Variants in NEURL1B observed in about 807,000 individuals in gnomAD.
NEURL1B encodes E3 ubiquitin-protein ligase NEURL1B.
NEURL1B carries 13 observed loss-of-function variants against 37.4 expected under a neutral mutation model. The observed-to-expected ratio is 0.35, with a 90% CI of 0.23 to 0.55. The LOEUF (loss-of-function observed/expected upper bound fraction) is 0.55. Among genes scored for constraint, NEURL1B ranks in the 20% least tolerant of loss-of-function variants. The pLI is 0.89. For missense variants in NEURL1B, 790 were observed against 879.2 expected (o/e 0.90, Z 1.28); for synonymous variants, 432 against 426.6 (o/e 1.01, Z -0.16).
At chr5:172,673,994 A>G (rs77248128) in intron 2 of NEURL1B, among the ~76,000 whole-genome samples, 30,582 of 151,390 alleles carry the variant, frequency 0.2, 4,165 homozygotes, top group African/African-American at 0.4. Context: ...CAAAAAATTA[A>G]CCAGCCACGG....
intron 1 of NEURL1B, among the ~76,000 whole-genome samples, chr5:172,654,579 T>A (rs1412237347): frequency 6.6e-6 from 1 of 151,834 alleles, no homozygotes; most frequent in African/African-American, 2.4e-5. Flanking sequence ...CTATTTTTTT[T>A]TTTTTTTTTT....
At position 172,656,431 on chromosome 5, in the gene NEURL1B, C is replaced by T. The variant is rs1415215691; in HGVS notation, c.32-13354C>T. On this transcript the variant is annotated intron_variant, in intron 1 of 4. Coordinates refer to ENST00000369800, the MANE Select transcript of NEURL1B (RefSeq NM_001142651.3). The stretch of plus-strand genomic sequence containing the variant: ...AAGACAACACTTAATTCCAGCTATA[C>T]GTGGCAAAAGATGTTATGGCAGGGA... 45 of 965,014 alleles carry T rather than the reference C, an allele frequency of 4.7e-5. No individual in the cohort carries two copies. In the East Asian group the frequency reaches 4.9e-4, roughly 10 times the overall value. The allele number at this position is 965,014 out of a possible 1,614,324, so 59.8% of individuals were successfully genotyped here. A position where few individuals can be genotyped will look rare whatever the true frequency, so the allele number is the denominator to read the frequency against.
At chr5:172,685,696 C>G (rs945099997) in intron 3 of NEURL1B, among the ~76,000 whole-genome samples, 1 of 152,250 alleles carries the variant, frequency 6.6e-6, no homozygotes, top group Non-Finnish European at 1.5e-5. Flanking sequence ...CTCTGCTTGC[C>G]TCTGTGTTGG....
At chr5:172,659,858 T>G (rs1185256088) in intron 1 of NEURL1B, among the ~76,000 whole-genome samples, 1 of 152,196 alleles carries the variant, frequency 6.6e-6, no homozygotes, top group Non-Finnish European at 1.5e-5. Flanking sequence ...CCCCATCCTT[T>G]GTCATCCTCC....
At position 172,676,598 on chromosome 5, in the gene NEURL1B, G is replaced by C. The variant is rs920183964; in HGVS notation, c.577+6268G>C. On this transcript the variant is annotated intron_variant, in intron 2 of 4. Transcript: ENST00000369800. The surrounding 1 kb of genome is among the most constrained non-coding windows in gnomAD (Gnocchi z 4.5). ...GCAGTTCCCTCCAAAGAAAAGCTGGGTGCTGTTACCAGGAGAAGGGGAGTG... is the reference window on the plus strand; with the variant it reads ...GCAGTTCCCTCCAAAGAAAAGCTGGCTGCTGTTACCAGGAGAAGGGGAGTG... Among the ~76,000 whole-genome samples, 1 of 152,222 alleles carries C rather than the reference G, an allele frequency of 6.6e-6. No homozygotes were observed. The highest frequency in any genetic ancestry group is 1.5e-5 in the Non-Finnish European group (1 of 68,030).
At chr5:172,669,625 G>C (rs754570688) in intron 1 of NEURL1B, among the ~76,000 whole-genome samples, 160 bp from the exon 2 acceptor site, 3 of 152,216 alleles carry the variant, frequency 2.0e-5, no homozygotes, top group Non-Finnish European at 4.4e-5. Flanking sequence ...GCCAGTTAGG[G>C]TCGGTCTCCC....
chr5:172,672,548 C>A (rs1440646114), intron 2 of NEURL1B, among the ~76,000 whole-genome samples: 2 of 148,436 alleles, frequency 1.3e-5, no homozygotes, highest in Non-Finnish European at 3.0e-5. Context: ...TCTCCCCCCC[C>A]CACTCTATTT....
chr5:172,687,300 A>T lies in NEURL1B; in HGVS notation c.*375A>T, dbSNP rs376920585. 1.6e-3 allele frequency: 262 copies of T among 162,644 alleles called. No homozygotes were observed. Among genetic ancestry groups the T allele is most frequent in the African/African-American group, 5.2e-3 (215 of 41,652 alleles). 10.1% of individuals were successfully genotyped at this position (162,644 alleles called of 1,614,324 possible). A position where few individuals can be genotyped will look rare whatever the true frequency, so the allele number is the denominator to read the frequency against. On this transcript the variant is annotated 3_prime_UTR_variant, in exon 5 of 5. Coordinates refer to ENST00000369800, the MANE Select transcript of NEURL1B (RefSeq NM_001142651.3). Reference sequence around the variant, plus strand: ...GGAGAACAGAGAGAATGTGTGTGTGAGAGAGAGAGAGAGAGAATGAACGTG... The same window carrying T: ...GGAGAACAGAGAGAATGTGTGTGTGTGAGAGAGAGAGAGAGAATGAACGTG...
At chr5:172,666,262 T>C (rs1387686629) in intron 1 of NEURL1B, among the ~76,000 whole-genome samples, 1 of 152,154 alleles carries the variant, frequency 6.6e-6, no homozygotes, top group Admixed American at 6.5e-5. Flanking sequence ...TCTCTGCCCT[T>C]AACTAAACCA....
intron 3 of NEURL1B, 107 bp downstream of exon 3, chr5:172,684,245 C>G (rs576254586): frequency 3.1e-6 from 3 of 979,340 alleles, no homozygotes; most frequent in Non-Finnish European, 2.6e-6. Context: ...AGGCGCTGCA[C>G]CGCCCGAGGC....
rs866114276 is a variant in NEURL1B, at chr5:172,641,663, C to G, written c.31+226C>G. 2.6e-5 allele frequency among the ~76,000 whole-genome samples: 4 copies of G among 152,150 alleles called. No homozygotes were observed. Among genetic ancestry groups the G allele is most frequent in the Admixed American group, 2.0e-4 (3 of 15,284 alleles). ...CCTGGTTACCTTGGGGACCCCAGTCCTCATTCTCCCGGCTTTGGCCAGATG... is the reference window on the plus strand; with the variant it reads ...CCTGGTTACCTTGGGGACCCCAGTCGTCATTCTCCCGGCTTTGGCCAGATG... On this transcript the variant is annotated intron_variant, in intron 1 of 4. Coordinates refer to ENST00000369800, the MANE Select transcript of NEURL1B (RefSeq NM_001142651.3). The surrounding 1 kb of genome is among the most constrained non-coding windows in gnomAD (Gnocchi z 6.4).
rs940599765 is a variant in NEURL1B at position 172,687,752 on chromosome 5, C to G, written c.*827C>G. 6 of 152,014 alleles carry G rather than the reference C, an allele frequency of 3.9e-5. No homozygotes were observed. Among genetic ancestry groups the G allele is most frequent in the African/African-American group, 1.5e-4 (6 of 41,366 alleles). 9.4% of individuals were successfully genotyped at this position (152,014 alleles called of 1,614,324 possible). A position where few individuals can be genotyped will look rare whatever the true frequency, so the allele number is the denominator to read the frequency against. On this transcript the variant is annotated 3_prime_UTR_variant, in exon 5 of 5. Coordinates refer to ENST00000369800, the MANE Select transcript of NEURL1B (RefSeq NM_001142651.3). ...AAGTCTCTGTAATGCCCTTCCCTATCTCCAAGGAGAAGACCAGCAGTAAGT... is the reference window on the plus strand; with the variant it reads ...AAGTCTCTGTAATGCCCTTCCCTATGTCCAAGGAGAAGACCAGCAGTAAGT...
At chr5:172,671,272 C>T (rs536367063) in intron 2 of NEURL1B, among the ~76,000 whole-genome samples, 15 of 152,216 alleles carry the variant, frequency 9.9e-5, no homozygotes, top group Non-Finnish European at 1.9e-4. Flanking sequence ...CAGGTTGCAC[C>T]GGAACCAGCC....
Position 172,683,543 on chromosome 5 carries a change from G to A in NEURL1B, c.702G>A (p.Val234=), listed in dbSNP as rs781596918. The A allele has an allele frequency of 9.4e-6, 14 of 1,486,980 alleles. No homozygotes were observed. The African/African-American group carries it at 1.7e-4, about 19-fold the overall frequency. The allele number at this position is 1,486,980 out of a possible 1,614,324, so 92.1% of individuals were successfully genotyped here. The part of the protein sequence containing the change: ...FDNNELENNQ[V]VAKLGHLALG... Reference sequence around the variant, plus strand: ...ACAACGAGCTCGAGAACAACCAGGTGGTGGCCAAGCTGGGCCACCTGGCGC... The same window carrying A: ...ACAACGAGCTCGAGAACAACCAGGTAGTGGCCAAGCTGGGCCACCTGGCGC... Residue 234 remains valine, a synonymous_variant, in exon 3 of 5, where the codon GTG becomes GTA. Transcript: ENST00000369800. This position sits in a 1 kb window ranked among gnomAD's most constrained non-coding sequence, Gnocchi z 5.6.
At position 172,682,075 on chromosome 5, in the gene NEURL1B, C is replaced by T. The variant is rs568908458; in HGVS notation, c.578-1344C>T. Among the ~76,000 whole-genome samples, 3 of 152,248 alleles carry T rather than the reference C, an allele frequency of 2.0e-5. No individual in the cohort carries two copies. In the East Asian group the frequency reaches 5.8e-4, roughly 29 times the overall value. On this transcript the variant is annotated intron_variant, in intron 2 of 4. Transcript: ENST00000369800. ...CCAAGCCCTGAGAACATGGTGGTGA[C>T]CAGACTGACACAGACCCTGCCCTCA...
At chr5:172,660,052 C>G (rs1310823398) in intron 1 of NEURL1B, among the ~76,000 whole-genome samples, 1 of 152,214 alleles carries the variant, frequency 6.6e-6, no homozygotes, top group Non-Finnish European at 1.5e-5. Context: ...GCAGCCAGCG[C>G]GGGCCCTGGC....
intron 1 of NEURL1B, among the ~76,000 whole-genome samples, chr5:172,654,791 C>G (rs1757735100): frequency 6.6e-6 from 1 of 152,088 alleles, no homozygotes; most frequent in South Asian, 2.1e-4. Context: ...GGGCTACACC[C>G]TTGTTTACAC....
intron 1 of NEURL1B, among the ~76,000 whole-genome samples, chr5:172,662,478 A>G (rs1400173316): frequency 3.9e-5 from 6 of 152,196 alleles, no homozygotes; most frequent in South Asian, 2.1e-4. Flanking sequence ...AGGGAAGGGA[A>G]TAGCTGTTTA....
At chr5:172,684,233 C>A (rs1385331516) in intron 3 of NEURL1B, 95 bp downstream of exon 3, 501 of 1,042,052 alleles carry the variant, frequency 4.8e-4, no homozygotes, top group Non-Finnish European at 5.8e-4. Flanking sequence ...GCCCCTCTCG[C>A]TAGGCGCTGC....
Sources: gnomAD v4.1 joint callset for allele counts (sites outside exome capture counted in the v4.1 genomes callset) on GRCh38, gnomAD v4.1.1 for gene constraint, Gnocchi (gnomAD v3.1) non-coding constraint, MANE v1.5 for transcripts, NCBI Gene and HGNC (gene_info 2026-07-23, HGNC 2026-07-21) for gene names.